The following PITPNB variants were observed in gnomAD, a reference collection of about 807,000 sequenced individuals.
The protein encoded by PITPNB is phosphatidylinositol transfer protein beta isoform.
In PITPNB, 16 loss-of-function variants were observed where a neutral mutation model predicts 45.9. The observed-to-expected ratio is 0.35, with a 90% CI of 0.24 to 0.53. The LOEUF is 0.53. Among genes scored for constraint, PITPNB ranks in the 20% least tolerant of loss-of-function variants. The pLI is 0.93. For missense variants in PITPNB, 188 were observed against 330.5 expected (o/e 0.57, Z 3.34); for synonymous variants, 112 against 108.9 (o/e 1.03, Z -0.18).
chr22:27,870,907 T>C (rs1934640678), intron 8 of PITPNB, among the ~76,000 whole-genome samples: 1 of 152,226 alleles, frequency 6.6e-6, no homozygotes, highest in Non-Finnish European at 1.5e-5. Flanking sequence ...ATCACAGTAA[T>C]TCACAGAAAT....
intron 11 of PITPNB, among the ~76,000 whole-genome samples, chr22:27,854,313 T>A (rs1934111384): frequency 6.6e-6 from 1 of 151,958 alleles, no homozygotes; most frequent in Admixed American, 6.6e-5. Flanking sequence ...ACCACAAAAA[T>A]GGTTCACACC....
intron 8 of PITPNB, among the ~76,000 whole-genome samples, chr22:27,869,971 A>T (rs1934604057): frequency 6.6e-6 from 1 of 152,198 alleles, no homozygotes; most frequent in Non-Finnish European, 1.5e-5. Flanking sequence ...TGTAACAGAA[A>T]TTATCAAATT....
At position 27,853,711 on chromosome 22, in the gene PITPNB, C is replaced by T. The variant is rs1449053918; in HGVS notation, c.*39-48G>A. 4 of 1,371,296 alleles carry T rather than the reference C, an allele frequency of 2.9e-6. No individual in the cohort carries two copies. The African/African-American group carries it at 5.7e-5, about 20-fold the overall frequency. 84.9% of individuals were successfully genotyped at this position (1,371,296 alleles called of 1,614,324 possible). A position where few individuals can be genotyped will look rare whatever the true frequency, so the allele number is the denominator to read the frequency against. Reference sequence around the variant, plus strand: ...TGCAAAATGTGTTAAAATACAGAGACAGGAAATGTTAGCAGCTCGTCACAC... The same window carrying T: ...TGCAAAATGTGTTAAAATACAGAGATAGGAAATGTTAGCAGCTCGTCACAC... On this transcript the variant is annotated intron_variant, in intron 11 of 11. Coordinates refer to ENST00000335272, the MANE Select transcript of PITPNB (RefSeq NM_012399.5).
In PITPNB at chr22:27,909,277, G is replaced by T. The variant is rs1024520680; in HGVS notation, c.197+1687C>A. On this transcript the variant is annotated intron_variant, in intron 3 of 11. Transcript: ENST00000335272. ...AGATGAGGTCCCACTATATTGCCCC[G>T]ACTGGTCTCAAACTCCTGAGCTCAA... Among the ~76,000 whole-genome samples the T allele has an allele frequency of 3.3e-4, 42 of 125,630 alleles. 1 individual carries two copies. The highest frequency in any genetic ancestry group is 1.1e-4 in the Admixed American group (1 of 9,068). 82.4% of individuals were successfully genotyped at this position (125,630 alleles called of 152,430 possible).
chr22:27,898,493 C>G (rs1036994075), intron 3 of PITPNB, among the ~76,000 whole-genome samples: 4 of 150,764 alleles, frequency 2.7e-5, no homozygotes, highest in Admixed American at 1.3e-4. Context: ...CAATGTAAAA[C>G]CTAAGAGTTA....
chr22:27,860,413 C>A, intron 8 of PITPNB, 172 bp from the exon 9 acceptor site: 2 of 527,392 alleles, frequency 3.8e-6, no homozygotes, highest in Non-Finnish European at 6.8e-6. Context: ...CGCAGTATTC[C>A]CCTGCTGTAA....
Position 27,857,006 on chromosome 22 carries a change from T to C in PITPNB, c.768+1381A>G, listed in dbSNP as rs1045050353. On this transcript the variant is annotated intron_variant, in intron 10 of 11. Transcript: ENST00000335272. ...AGAAAGGTAGGAAGTGCCCATGATC[T>C]GCTCTTGCCTATTTAAGTGTTTTGC... Among the ~76,000 whole-genome samples the C allele has an allele frequency of 2.6e-5, 4 of 152,190 alleles. No individual in the cohort carries two copies. In the South Asian group the frequency reaches 8.3e-4, roughly 31 times the overall value.
chr22:27,918,265 C>T (rs573076086), intron 1 of PITPNB, among the ~76,000 whole-genome samples: 1 of 152,178 alleles, frequency 6.6e-6, no homozygotes, highest in East Asian at 1.9e-4. Context: ...CTGAAAAAAG[C>T]TAAATTAAGC....
chr22:27,910,110 C>A (rs541506303), intron 3 of PITPNB, among the ~76,000 whole-genome samples: 1 of 152,220 alleles, frequency 6.6e-6, no homozygotes, highest in South Asian at 2.1e-4. Context: ...GCCACCACAC[C>A]CAGGCTAATT....
At chr22:27,859,444 A>G (rs1934256661) in intron 9 of PITPNB, among the ~76,000 whole-genome samples, 1 of 152,238 alleles carries the variant, frequency 6.6e-6, no homozygotes, top group Admixed American at 6.5e-5. Context: ...TATAATAATA[A>G]CAGAATAAAT....
At chr22:27,863,075 C>T (rs774053890) in intron 8 of PITPNB, among the ~76,000 whole-genome samples, 2 of 152,180 alleles carry the variant, frequency 1.3e-5, no homozygotes, top group Non-Finnish European at 2.9e-5. Context: ...ACTTCCTAAT[C>T]CAATGAATGT....
In PITPNB at chr22:27,854,947, T is replaced by C; in HGVS notation, c.769-8A>G. Reference sequence around the variant, plus strand: ...GGAACCCCTCTTACGCATCTAAACGTAAAATAAAATTGTGAGCTGCTGAAA... The same window carrying C: ...GGAACCCCTCTTACGCATCTAAACGCAAAATAAAATTGTGAGCTGCTGAAA... On this transcript the variant is annotated splice_region_variant and splice_polypyrimidine_tract_variant and intron_variant, in intron 10 of 11. Coordinates refer to ENST00000335272, the MANE Select transcript of PITPNB (RefSeq NM_012399.5). 1.9e-6 allele frequency: 3 copies of C among 1,608,266 alleles called. No homozygotes were observed. The highest frequency in any genetic ancestry group is 2.6e-6 in the Non-Finnish European group (3 of 1,174,894).
chr22:27,861,214 TC>T (rs1405169718), intron 8 of PITPNB, among the ~76,000 whole-genome samples: 5 of 151,886 alleles, frequency 3.3e-5, no homozygotes, highest in South Asian at 4.2e-4. Flanking sequence ...GAGCCTGTAA[TC>T]CCAGCTACTA....
intron 8 of PITPNB, among the ~76,000 whole-genome samples, chr22:27,873,039 G>A (rs1050270488): frequency 3.9e-5 from 6 of 152,318 alleles, no homozygotes; most frequent in Admixed American, 1.3e-4. Context: ...AGGCCAGGGC[G>A]GGTGGATCAC....
intron 7 of PITPNB, among the ~76,000 whole-genome samples, chr22:27,891,324 T>C (rs1003509913): frequency 2.6e-5 from 4 of 152,220 alleles, no homozygotes; most frequent in South Asian, 2.1e-4. Context: ...TAAAACGTAA[T>C]GGGAAATTAG....
At chr22:27,909,513 A>T (rs1331548273) in intron 3 of PITPNB, among the ~76,000 whole-genome samples, 1 of 152,182 alleles carries the variant, frequency 6.6e-6, no homozygotes, top group Non-Finnish European at 1.5e-5. Context: ...AAGAAATTCA[A>T]ATGGTCAATT....
chr22:27,917,016 G>A lies in PITPNB; in HGVS notation c.20+2156C>T, dbSNP rs570079553. On this transcript the variant is annotated intron_variant, in intron 1 of 11. Coordinates refer to ENST00000335272, the MANE Select transcript of PITPNB (RefSeq NM_012399.5). Reference sequence around the variant, plus strand: ...AGGCCTAGATGCTGTGCTAGATACCGACATTACTTAAGAAACAGCTTCTAC... The same window carrying A: ...AGGCCTAGATGCTGTGCTAGATACCAACATTACTTAAGAAACAGCTTCTAC... Among the ~76,000 whole-genome samples the A allele has an allele frequency of 1.1e-4, 16 of 152,186 alleles. No homozygotes were observed. In the East Asian group the frequency reaches 2.7e-3, roughly 26 times the overall value.
intron 3 of PITPNB, among the ~76,000 whole-genome samples, chr22:27,904,040 G>C (rs1054248595): frequency 5.3e-5 from 8 of 152,146 alleles, no homozygotes; most frequent in Non-Finnish European, 8.8e-5. Flanking sequence ...ATAAAGTGGT[G>C]TAGTTGTTTC....
chr22:27,879,497 T>G (rs1029117400), intron 7 of PITPNB, among the ~76,000 whole-genome samples: 30 of 151,990 alleles, frequency 2.0e-4, no homozygotes, highest in African/African-American at 7.0e-4. Context: ...CAGGGGGAGG[T>G]GGGTTCCTGC....
Sources: allele counts gnomAD v4.1 joint callset (sites outside exome capture counted in the v4.1 genomes callset), GRCh38; gene constraint gnomAD v4.1.1; transcripts MANE v1.5; gene names NCBI Gene and HGNC (gene_info 2026-07-23, HGNC 2026-07-21).